The following LRRC9 variants were observed in gnomAD, a reference collection of about 807,000 sequenced individuals.
LRRC9 encodes leucine rich repeat containing 9.
A neutral mutation model predicts 63.2 loss-of-function variants in LRRC9; 122 were observed. The observed-to-expected ratio is 1.93, with a 90% CI of 1.67 to 2.24. LRRC9 has a LOEUF of 2.24. Among genes scored for constraint, LRRC9 ranks in the 30% most tolerant of loss-of-function variants. The pLI is 0.00. For synonymous variants in LRRC9, 366 were observed against 213.1 expected, an observed-to-expected ratio of 1.72 and a Z score of -6.25; for missense variants, 1,071 against 627.7, an observed-to-expected ratio of 1.71 and a Z score of -7.55.
At chr14:59,937,276 T>G (rs921507611) in intron 6 of LRRC9, among the ~76,000 whole-genome samples, 3 of 151,930 alleles carry the variant, frequency 2.0e-5, no homozygotes, top group African/African-American at 7.2e-5. Context: ...CTGCATATTC[T>G]TCTTTGTTTT....
chr14:59,941,665 C>A lies in LRRC9; in HGVS notation c.727-2924C>A, dbSNP rs184456992. ...GTTCTCTTGTTGTGTTATTTTTTCC[C>A]TTTTATTTACAGTTGATGCACAATA... On this transcript the variant is annotated intron_variant, in intron 7 of 31. Coordinates refer to ENST00000445360, the Ensembl canonical transcript of LRRC9. Among the ~76,000 whole-genome samples the A allele has an allele frequency of 1.1e-4, 16 of 152,002 alleles. 1 individual carries two copies. The highest frequency in any genetic ancestry group is 3.6e-4 in the African/African-American group (15 of 41,488).
intron 1 of LRRC9, among the ~76,000 whole-genome samples, chr14:59,925,242 T>A (rs983915831): frequency 6.6e-6 from 1 of 152,184 alleles, no homozygotes; most frequent in South Asian, 2.1e-4. Context: ...GCTGCTATAA[T>A]AAAATACCTG....
chr14:59,949,802 C>T (rs1454096248), intron 8 of LRRC9, among the ~76,000 whole-genome samples: 7 of 148,030 alleles, frequency 4.7e-5, no homozygotes, highest in South Asian at 2.2e-4. Flanking sequence ...TATAGTTGAG[C>T]GGCTTTGAGT....
chr14:59,971,973 T>C (rs1885558555), intron 12 of LRRC9, among the ~76,000 whole-genome samples: 1 of 152,160 alleles, frequency 6.6e-6, no homozygotes, highest in Non-Finnish European at 1.5e-5. Context: ...TGAGAAACTT[T>C]CAGTAGCTTC....
At chr14:60,011,717 A>T (rs1397906754) in intron 23 of LRRC9, among the ~76,000 whole-genome samples, 1 of 152,234 alleles carries the variant, frequency 6.6e-6, no homozygotes, top group Non-Finnish European at 1.5e-5. Flanking sequence ...GGTAATGGGA[A>T]TGCATTGGAT....
chr14:59,938,583 C>G lies in LRRC9; in HGVS notation c.726+11C>G. 1 of 677,482 alleles carries G rather than the reference C, an allele frequency of 1.5e-6. No individual in the cohort carries two copies. 42.0% of individuals were successfully genotyped at this position (677,482 alleles called of 1,614,324 possible). A position where few individuals can be genotyped will look rare whatever the true frequency, so the allele number is the denominator to read the frequency against. ...AAGGAACTGGCAGATGTAAGTACAT[C>G]CCTAATCAGGCATCTGTGATTTCAG... On this transcript the variant is annotated intron_variant, in intron 7 of 31. Transcript: ENST00000445360. The surrounding 1 kb of genome is among the most constrained non-coding windows in gnomAD (Gnocchi z 4.2).
At position 60,027,597 on chromosome 14, in the gene LRRC9, AT is replaced by A. The variant is rs1296685601; in HGVS notation, c.3704-283del. Among the ~76,000 whole-genome samples, 1 of 152,092 alleles carries A rather than the reference AT, an allele frequency of 6.6e-6. No individual in the cohort carries two copies. The highest frequency in any genetic ancestry group is 1.5e-5 in the Non-Finnish European group (1 of 67,980). On this transcript the variant is annotated intron_variant, in intron 27 of 31. Coordinates refer to ENST00000445360, the Ensembl canonical transcript of LRRC9. This position sits in a 1 kb window ranked among gnomAD's most constrained non-coding sequence, Gnocchi z 4.0. ...ATATCTACTTTTGTCAATACCGACTATTTTAACACTTAATTACCAAACAGAC... is the reference window on the plus strand; with the variant it reads ...ATATCTACTTTTGTCAATACCGACTATTTAACACTTAATTACCAAACAGAC...
chr14:59,989,856 T>G (rs1887869189), intron 17 of LRRC9, among the ~76,000 whole-genome samples: 1 of 152,184 alleles, frequency 6.6e-6, no homozygotes, highest in South Asian at 2.1e-4. Flanking sequence ...TATGTACTGT[T>G]TAAAATTTGT....
rs1889605999 is a variant in LRRC9 at position 59,930,501 on chromosome 14, A to G, written c.268-417A>G. On this transcript the variant is annotated intron_variant, in intron 3 of 31. Transcript: ENST00000445360. The surrounding 1 kb of genome is among the most constrained non-coding windows in gnomAD (Gnocchi z 4.9). ...ATAATTATTAAATATAATTTGAAGG[A>G]TTATGAAAACATTTTAGTCTTAATT... Among the ~76,000 whole-genome samples, 1 of 151,942 alleles carries G rather than the reference A, an allele frequency of 6.6e-6. No individual in the cohort carries two copies. Among genetic ancestry groups the G allele is most frequent in the Non-Finnish European group, 1.5e-5 (1 of 67,930 alleles).
At position 60,027,745 on chromosome 14, in the gene LRRC9, T is replaced by A; in HGVS notation, c.3704-139T>A. On this transcript the variant is annotated intron_variant, in intron 27 of 31. Coordinates refer to ENST00000445360, the Ensembl canonical transcript of LRRC9. The surrounding 1 kb of genome is among the most constrained non-coding windows in gnomAD (Gnocchi z 4.0). ...CCTTCCTGTAAATTACATTTCAATT[T>A]CTCTTTGGAAATAAGTTTCTTGAAT... is the stretch of plus-strand genomic sequence containing the variant. 1 of 533,682 alleles carries A rather than the reference T, an allele frequency of 1.9e-6. No homozygotes were observed. The highest frequency in any genetic ancestry group is 2.9e-5 in the South Asian group (1 of 34,508). 33.1% of individuals were successfully genotyped at this position (533,682 alleles called of 1,614,324 possible).
intron 15 of LRRC9, among the ~76,000 whole-genome samples, chr14:59,980,988 T>G (rs1031560027): frequency 6.6e-6 from 1 of 152,172 alleles, no homozygotes; most frequent in African/African-American, 2.4e-5. Context: ...TCTTAGTTTC[T>G]TGGTTATTTC....
At chr14:59,965,640 C>G (rs978312143) in intron 10 of LRRC9, among the ~76,000 whole-genome samples, 4 of 151,794 alleles carry the variant, frequency 2.6e-5, no homozygotes, top group African/African-American at 9.7e-5. Context: ...AATCCCAGCA[C>G]TGGGAGGCCG....
chr14:59,941,028 C>T (rs1881701878), intron 7 of LRRC9, among the ~76,000 whole-genome samples: 1 of 151,752 alleles, frequency 6.6e-6, no homozygotes, highest in African/African-American at 2.4e-5. Flanking sequence ...ATAGTCTTCC[C>T]TCTTTCCCCA....
intron 12 of LRRC9, among the ~76,000 whole-genome samples, chr14:59,971,037 G>C (rs1885432560): frequency 6.6e-6 from 1 of 151,982 alleles, no homozygotes. Flanking sequence ...GTTGTGTGAG[G>C]GTTTCGATAG....
At chr14:59,975,336 A>G (rs41406645) in intron 13 of LRRC9, among the ~76,000 whole-genome samples, 7,669 of 151,452 alleles carry the variant, frequency 0.051, 607 homozygotes, top group African/African-American at 0.17. Context: ...GGTTTAAGTT[A>G]AAATCAGCTA....
intron 31 of LRRC9, among the ~76,000 whole-genome samples, chr14:60,061,738 C>G (rs1408478707): frequency 6.6e-6 from 1 of 152,168 alleles, no homozygotes; most frequent in Non-Finnish European, 1.5e-5. Flanking sequence ...ACATTTATTA[C>G]AGCATGCAGG....
intron 17 of LRRC9, among the ~76,000 whole-genome samples, chr14:59,996,628 A>G (rs1888824933): frequency 6.6e-6 from 1 of 152,230 alleles, no homozygotes; most frequent in African/African-American, 2.4e-5. Flanking sequence ...AACACATAGA[A>G]AAATGTTCAA....
chr14:59,940,919 C>G (rs1445046831), intron 7 of LRRC9, among the ~76,000 whole-genome samples: 2 of 151,926 alleles, frequency 1.3e-5, no homozygotes, highest in Non-Finnish European at 2.9e-5. Flanking sequence ...AGTCTTTGAA[C>G]GTGACTTTGA....
exon 8 of LRRC9, chr14:59,944,677 A>T (rs1001119131): frequency 4.5e-6 from 3 of 666,086 alleles, no homozygotes; most frequent in Non-Finnish European, 8.1e-6. Flanking sequence ...AAACTGAATG[A>T]TCAAAAATGC....
Sources: allele counts gnomAD v4.1 joint callset (sites outside exome capture counted in the v4.1 genomes callset), GRCh38; gene constraint gnomAD v4.1.1; non-coding constraint Gnocchi (gnomAD v3.1); transcripts MANE v1.5; gene names NCBI Gene and HGNC (gene_info 2026-07-23, HGNC 2026-07-21).